The following STS variants were observed in gnomAD, a reference collection of about 807,000 sequenced individuals.
STS encodes the protein steroid sulfatase.
Under a neutral mutation model 26.8 loss-of-function variants are expected in STS, and 7 were observed. The ratio of observed to expected loss-of-function variants is 0.26; its 90% CI spans 0.15 to 0.49. The LOEUF is 0.49. Ranked by LOEUF, STS falls within the 20% of genes least tolerant of loss-of-function variation. STS has a pLI of 0.98. For synonymous variants in STS, 199 were observed against 189.4 expected (o/e 1.05, Z -0.42); for missense variants, 434 against 465.6 (o/e 0.93, Z 0.63).
At chrX:7,151,359 T>C (rs1257358148) in intron 1 of STS, among the ~76,000 whole-genome samples, 9 of 112,199 alleles carry the variant, frequency 8.0e-5, no homozygotes, top group Non-Finnish European at 1.3e-4. Flanking sequence ...TCTCAGTGGC[T>C]GTACACAGTC....
intron 7 of STS, among the ~76,000 whole-genome samples, chrX:7,300,689 C>T (rs777200225): frequency 2.7e-5 from 3 of 111,270 alleles, no homozygotes; most frequent in Admixed American, 1.9e-4. Context: ...ACCATGCATA[C>T]GTGCATGGCA....
chrX:7,194,572 G>T (rs1933936972), intron 2 of STS, among the ~76,000 whole-genome samples: 1 of 111,304 alleles, frequency 9.0e-6, no homozygotes, highest in African/African-American at 3.3e-5. Context: ...ACAAGGAGGG[G>T]TAGTTTTGGG....
chrX:7,214,268 A>G (rs146978330), intron 2 of STS, among the ~76,000 whole-genome samples: 28 of 111,754 alleles, frequency 2.5e-4, no homozygotes, highest in Admixed American at 5.7e-4. Flanking sequence ...GGGGCCCCCA[A>G]TGCAAAATTA....
intron 10 of STS, among the ~76,000 whole-genome samples, chrX:7,345,034 C>T (rs1292692269): frequency 2.0e-4 from 22 of 110,847 alleles, no homozygotes; most frequent in Non-Finnish European, 3.0e-4. Context: ...GAGAGGCTTG[C>T]GTCACTATGA....
At position 7,310,823 on chromosome X, in the gene STS, C is replaced by A. The variant is rs755727951; in HGVS notation, c.1081+5640C>A. 6.3e-5 allele frequency among the ~76,000 whole-genome samples: 7 copies of A among 111,282 alleles called. No homozygotes were observed. The East Asian group carries it at 1.7e-3, about 27-fold the overall frequency. ...ACTGCAGGGCATCCCACATACAGAG[C>A]CGGGACCCTGCTGTGGAGGTCCACA... is the stretch of plus-strand genomic sequence containing the variant. On this transcript the variant is annotated intron_variant, in intron 8 of 10. Coordinates refer to ENST00000674429, the MANE Select transcript of STS (RefSeq NM_001320752.2).
intron 7 of STS, among the ~76,000 whole-genome samples, chrX:7,298,788 C>G (rs1302912976): frequency 3.7e-5 from 4 of 108,414 alleles, no homozygotes; most frequent in African/African-American, 1.3e-4. Flanking sequence ...CTCTGTTGGT[C>G]AGATGTAGGA....
intron 2 of STS, among the ~76,000 whole-genome samples, chrX:7,244,349 C>T (rs749602999): frequency 1.8e-5 from 2 of 111,869 alleles, no homozygotes; most frequent in South Asian, 3.8e-4. Context: ...CCATAATTTG[C>T]GGAAGTATGT....
chrX:7,272,673 C>T (rs1332392149), intron 6 of STS, among the ~76,000 whole-genome samples: 1 of 111,838 alleles, frequency 8.9e-6, no homozygotes, highest in Non-Finnish European at 1.9e-5. Context: ...AAAGCAAATG[C>T]AGTATTTCAT....
At chrX:7,246,596 G>A (rs943676676) in intron 2 of STS, among the ~76,000 whole-genome samples, 2 of 111,424 alleles carry the variant, frequency 1.8e-5, no homozygotes, top group Non-Finnish European at 1.9e-5. Context: ...GTGAGCCACC[G>A]CGCCCGGCCC....
At chrX:7,175,061 T>G (rs1933539999) in intron 1 of STS, among the ~76,000 whole-genome samples, 1 of 109,919 alleles carries the variant, frequency 9.1e-6, no homozygotes, top group African/African-American at 3.3e-5. Flanking sequence ...CTTCTAGTTA[T>G]CCCCTTTGTT....
chrX:7,319,602 T>A (rs1476101280), intron 8 of STS, among the ~76,000 whole-genome samples: 1 of 110,246 alleles, frequency 9.1e-6, no homozygotes, highest in African/African-American at 3.3e-5. Context: ...GATGTACAGA[T>A]CAACTCCTGG....
At chrX:7,160,607 C>T (rs1485385319) in intron 1 of STS, among the ~76,000 whole-genome samples, 1 of 111,755 alleles carries the variant, frequency 8.9e-6, no homozygotes, top group Non-Finnish European at 1.9e-5. Flanking sequence ...AATCAATTAA[C>T]CTCATATATG....
intron 9 of STS, 24 bp downstream of exon 9, chrX:7,325,522 G>T (rs1983023054): frequency 8.3e-7 from 1 of 1,206,876 alleles, no homozygotes; most frequent in East Asian, 3.0e-5. Flanking sequence ...AGGGTGGTTG[G>T]TATTGTTGAG....
chrX:7,282,222 AC>A (rs1326708079), intron 7 of STS, among the ~76,000 whole-genome samples: 1 of 111,612 alleles, frequency 9.0e-6, no homozygotes, highest in Non-Finnish European at 1.9e-5. Context: ...TCGTTTTGAG[AC>A]AGGATCTTGC....
chrX:7,297,539 T>C (rs189239167), intron 7 of STS, among the ~76,000 whole-genome samples: 4 of 112,119 alleles, frequency 3.6e-5, no homozygotes, highest in African/African-American at 1.3e-4. Flanking sequence ...TAGGGATGTC[T>C]TCTTAACATG....
At chrX:7,261,818 G>C (rs1923763447) in intron 6 of STS, among the ~76,000 whole-genome samples, 1 of 111,840 alleles carries the variant, frequency 8.9e-6, no homozygotes, top group South Asian at 3.7e-4. Flanking sequence ...ATATGGTTTG[G>C]GTGTCTGAAC....
chrX:7,319,283 G>A (rs1221612204), intron 8 of STS, among the ~76,000 whole-genome samples: 1 of 110,486 alleles, frequency 9.1e-6, no homozygotes, highest in Non-Finnish European at 1.9e-5. Context: ...GAGTAGCTGG[G>A]ACTACAGGTG....
At chrX:7,280,212 T>C (rs1431055155) in intron 7 of STS, among the ~76,000 whole-genome samples, 2 of 111,385 alleles carry the variant, frequency 1.8e-5, no homozygotes, top group Admixed American at 9.6e-5. Flanking sequence ...GATAAGACTA[T>C]AGGTTTAGGG....
chrX:7,317,467 G>C (rs1006652041), intron 8 of STS, among the ~76,000 whole-genome samples: 6 of 110,543 alleles, frequency 5.4e-5, no homozygotes, highest in Non-Finnish European at 1.1e-4. Context: ...TTGTTTGTTT[G>C]TTTGTTTGTT....
Sources: allele counts gnomAD v4.1 joint callset (sites outside exome capture counted in the v4.1 genomes callset), GRCh38; gene constraint gnomAD v4.1.1; transcripts MANE v1.5; gene names NCBI Gene and HGNC (gene_info 2026-07-23, HGNC 2026-07-21).